FRMD3: variants seen among roughly 807,000 people sequenced by gnomAD.
The protein encoded by FRMD3 is FERM domain containing 3.
Under a neutral mutation model 70.2 loss-of-function variants are expected in FRMD3, and 33 were observed. That is an observed-to-expected ratio of 0.47 (90% CI 0.36 to 0.63). The LOEUF (loss-of-function observed/expected upper bound fraction) is 0.63, where lower values mean the gene tolerates loss of function less well. Among genes scored for constraint, FRMD3 ranks in the 20% least tolerant of loss-of-function variants. FRMD3 has a pLI of 0.00. For synonymous variants in FRMD3, 279 were observed against 255.9 expected, an observed-to-expected ratio of 1.09 and a Z score of -0.86; for missense variants, 632 against 711.4, an observed-to-expected ratio of 0.89 and a Z score of 1.27.
Position 83,335,729 on chromosome 9 carries a change from A to C in FRMD3, c.473-90T>G, listed in dbSNP as rs1017605094. 27 of 1,152,078 alleles carry C rather than the reference A, an allele frequency of 2.3e-5. No individual in the cohort carries two copies. The African/African-American group carries it at 4.2e-4, about 18-fold the overall frequency. The allele number at this position is 1,152,078 out of a possible 1,614,324, so 71.4% of individuals were successfully genotyped here. ...TATGGAGTGCCTCCTGCCATCCAAA[A>C]GAAGAGGCTGGAATAAACTCACCCA... On this transcript the variant is annotated intron_variant, in intron 5 of 13. Transcript: ENST00000304195.
At chr9:83,263,440 AAAT>A (rs147926181) in intron 13 of FRMD3, among the ~76,000 whole-genome samples, 76,540 of 151,814 alleles carry the variant, frequency 0.5, 21,187 homozygotes, top group South Asian at 0.76. Flanking sequence ...AAGGGACTTG[AAAT>A]ATCTACTAGA....
At chr9:83,512,038 T>C (rs140633490) in intron 1 of FRMD3, among the ~76,000 whole-genome samples, 1 of 152,308 alleles carries the variant, frequency 6.6e-6, no homozygotes, top group Non-Finnish European at 1.5e-5. Flanking sequence ...TTACTGGCTA[T>C]GTGACCGAAG....
At chr9:83,278,833 C>T (rs905398661) in intron 13 of FRMD3, among the ~76,000 whole-genome samples, 11 of 152,108 alleles carry the variant, frequency 7.2e-5, no homozygotes, top group African/African-American at 2.7e-4. Flanking sequence ...GGAAGGTGGG[C>T]ATGAGAGCCA....
At chr9:83,296,452 T>G (rs1834664794) in intron 12 of FRMD3, among the ~76,000 whole-genome samples, 1 of 152,232 alleles carries the variant, frequency 6.6e-6, no homozygotes, top group Non-Finnish European at 1.5e-5. Flanking sequence ...TGTTAGGTGC[T>G]GGGGGACATG....
intron 1 of FRMD3, among the ~76,000 whole-genome samples, chr9:83,405,771 A>G (rs896728526): frequency 2.0e-5 from 3 of 151,904 alleles, no homozygotes; most frequent in Non-Finnish European, 4.4e-5. Context: ...AAAAAAAAAA[A>G]AAGAAAGAAA....
intron 1 of FRMD3, among the ~76,000 whole-genome samples, chr9:83,458,721 C>G (rs906387182): frequency 2.6e-5 from 4 of 152,070 alleles, no homozygotes; most frequent in African/African-American, 9.7e-5. Flanking sequence ...ACTCAAAAGC[C>G]AGCAAAATGC....
chr9:83,568,497 A>G, the FRMD3 span, among the ~76,000 whole-genome samples: 5 of 152,342 alleles, frequency 3.3e-5, no homozygotes, highest in South Asian at 1.0e-3. Flanking sequence ...AACAACATGG[A>G]TGAATCTGGA....
intron 1 of FRMD3, among the ~76,000 whole-genome samples, chr9:83,466,781 A>G (rs1304532848): frequency 2.6e-5 from 4 of 152,112 alleles, no homozygotes; most frequent in African/African-American, 9.7e-5. Context: ...ACATCTTTCT[A>G]CCTTCTTGCA....
intron 2 of FRMD3, among the ~76,000 whole-genome samples, chr9:83,380,899 A>G (rs899712897): frequency 2.6e-5 from 4 of 152,184 alleles, no homozygotes; most frequent in African/African-American, 9.7e-5. Flanking sequence ...TTTTCACCTC[A>G]ATAGTAACCA....
At chr9:83,523,402 CCTCT>C (rs1829623141) in intron 1 of FRMD3, among the ~76,000 whole-genome samples, 1 of 152,152 alleles carries the variant, frequency 6.6e-6, no homozygotes, top group South Asian at 2.1e-4. Flanking sequence ...ACAATCTCTC[CCTCT>C]CTATCTCTCT....
intron 6 of FRMD3, among the ~76,000 whole-genome samples, chr9:83,328,661 T>C (rs1033342243): frequency 6.6e-6 from 1 of 151,992 alleles, no homozygotes; most frequent in African/African-American, 2.4e-5. Flanking sequence ...CATAGGGGAG[T>C]GTGGATGATG....
At chr9:83,581,991 C>T in the FRMD3 span, among the ~76,000 whole-genome samples, 1 of 152,162 alleles carries the variant, frequency 6.6e-6, no homozygotes, top group Non-Finnish European at 1.5e-5. Context: ...TGTGAATATA[C>T]TAAAACCATT....
At chr9:83,517,974 G>A (rs1195202602) in intron 1 of FRMD3, among the ~76,000 whole-genome samples, 3 of 152,154 alleles carry the variant, frequency 2.0e-5, no homozygotes, top group African/African-American at 7.2e-5. Flanking sequence ...ACTAGGTATT[G>A]ATGGAACATA....
chr9:83,536,930 T>TTAAAAAAAAAAAA (rs1829904792), intron 1 of FRMD3, among the ~76,000 whole-genome samples: 5 of 60,894 alleles, frequency 8.2e-5, no homozygotes, highest in Non-Finnish European at 1.6e-4. Context: ...TGTATTACAC[T>TTAAAAAAAAAAAA]AAAAAAAAAA....
intron 5 of FRMD3, among the ~76,000 whole-genome samples, chr9:83,340,284 C>T (rs539754518): frequency 1.3e-5 from 2 of 152,278 alleles, no homozygotes; most frequent in South Asian, 4.1e-4. Flanking sequence ...CTGCTGTGTG[C>T]CAGACACAGG....
At chr9:83,423,649 T>C (rs998973464) in intron 1 of FRMD3, among the ~76,000 whole-genome samples, 7 of 130,646 alleles carry the variant, frequency 5.4e-5, no homozygotes, top group African/African-American at 2.1e-4. Flanking sequence ...CAGGCTGGAG[T>C]GCAGTGGCGT....
chr9:83,505,410 T>C (rs1444009306), intron 1 of FRMD3, among the ~76,000 whole-genome samples: 1 of 152,210 alleles, frequency 6.6e-6, no homozygotes, highest in Non-Finnish European at 1.5e-5. Flanking sequence ...AGCCAAGTGC[T>C]GAGGCCACCA....
At chr9:83,329,304 G>A (rs1280265090) in intron 6 of FRMD3, among the ~76,000 whole-genome samples, 1 of 152,206 alleles carries the variant, frequency 6.6e-6, no homozygotes, top group African/African-American at 2.4e-5. Context: ...GAGTTTGGAA[G>A]GGACTTGGGA....
In FRMD3 at chr9:83,501,852, G is replaced by T. The variant is rs567241726; in HGVS notation, c.147+36233C>A. ...TGATTAAGTGACTCCATGCATTTGA[G>T]TAGAGAGGGAAAAGGAAAGCCAACT... On this transcript the variant is annotated intron_variant, in intron 1 of 13. Coordinates refer to ENST00000304195, the MANE Select transcript of FRMD3 (RefSeq NM_174938.6). Among the ~76,000 whole-genome samples, 63 of 152,282 alleles carry T rather than the reference G, an allele frequency of 4.1e-4. 2 individuals carry two copies. The South Asian group carries it at 0.012, about 29-fold the overall frequency.
Sources: allele counts gnomAD v4.1 joint callset (sites outside exome capture counted in the v4.1 genomes callset), GRCh38; gene constraint gnomAD v4.1.1; transcripts MANE v1.5; gene names NCBI Gene and HGNC (gene_info 2026-07-23, HGNC 2026-07-21).